The following LUZP2 variants were observed in gnomAD, a reference collection of about 807,000 sequenced individuals.
LUZP2 encodes leucine zipper protein 2.
Under a neutral mutation model 51.6 loss-of-function variants are expected in LUZP2, and 52 were observed. That is an observed-to-expected ratio of 1.01 (90% CI 0.81 to 1.27). The LOEUF (loss-of-function observed/expected upper bound fraction) is 1.27, where lower values mean the gene tolerates loss of function less well. Ranked by LOEUF, LUZP2 falls within the 50% of genes most tolerant of loss-of-function variation. The pLI, the probability that LUZP2 is intolerant of heterozygous loss-of-function variation, is 0.00. For missense variants in LUZP2, 436 were observed against 395.4 expected (o/e 1.10, Z -0.87); for synonymous variants, 154 against 137.3 (o/e 1.12, Z -0.85).
intron 9 of LUZP2, among the ~76,000 whole-genome samples, chr11:25,027,513 C>A (rs546478595): frequency 6.6e-6 from 1 of 152,042 alleles, no homozygotes; most frequent in Non-Finnish European, 1.5e-5. Context: ...AATCATCTGG[C>A]CATTGCTGAA....
In LUZP2 at chr11:25,050,086, A is replaced by G. The variant is rs370972513; in HGVS notation, c.814A>G (p.Thr272Ala). ...CAATGAGAGCTCTCAAGTTGAGTCA[A>G]CAAAGGAAGGAAATCCAAGTACCAC... ...GNNESSQVESTKEGNPSTTAC... is the reference protein window; with the variant it reads ...GNNESSQVESAKEGNPSTTAC... Residue 272 changes from threonine (T) to alanine (A), a missense_variant, in exon 10 of 12, where the codon ACA (threonine) becomes GCA (alanine). Transcript: ENST00000336930. The G allele has an allele frequency of 2.3e-5, 37 of 1,600,286 alleles. No individual in the cohort carries two copies. The highest frequency in any genetic ancestry group is 3.0e-5 in the Non-Finnish European group (35 of 1,173,002).
intron 5 of LUZP2, among the ~76,000 whole-genome samples, chr11:24,802,452 C>T (rs1251166126): frequency 6.6e-6 from 1 of 151,838 alleles, no homozygotes; most frequent in African/African-American, 2.4e-5. Context: ...ACAGATATCA[C>T]TGCCACTGTT....
At chr11:25,046,123 C>T (rs1334759932) in intron 9 of LUZP2, among the ~76,000 whole-genome samples, 1 of 151,594 alleles carries the variant, frequency 6.6e-6, no homozygotes, top group East Asian at 1.9e-4. Context: ...TTCTAATGAC[C>T]TAACTTGGAT....
At chr11:25,040,776 A>G (rs1020989956) in intron 9 of LUZP2, among the ~76,000 whole-genome samples, 1 of 152,126 alleles carries the variant, frequency 6.6e-6, no homozygotes, top group African/African-American at 2.4e-5. Context: ...TGATGATCTC[A>G]TTTTTGTCAG....
At chr11:24,621,248 T>G (rs1854483685) in intron 1 of LUZP2, among the ~76,000 whole-genome samples, 1 of 152,234 alleles carries the variant, frequency 6.6e-6, no homozygotes, top group African/African-American at 2.4e-5. Flanking sequence ...GGTTAATTCC[T>G]TGTTGTTAGA....
At chr11:24,548,880 C>T (rs1851638826) in intron 1 of LUZP2, among the ~76,000 whole-genome samples, 2 of 151,898 alleles carry the variant, frequency 1.3e-5, no homozygotes, top group South Asian at 2.1e-4. Flanking sequence ...TAGATGTTTG[C>T]TAATTGGTTA....
chr11:24,683,089 A>T (rs552844944), intron 1 of LUZP2, among the ~76,000 whole-genome samples: 1 of 152,318 alleles, frequency 6.6e-6, no homozygotes, highest in East Asian at 1.9e-4. Flanking sequence ...CAGATTAAAG[A>T]TCTTTCCAAG....
At chr11:24,633,784 G>A (rs534672256) in intron 1 of LUZP2, among the ~76,000 whole-genome samples, 104 of 151,838 alleles carry the variant, frequency 6.8e-4, no homozygotes, top group African/African-American at 2.4e-3. Context: ...GGATTATATA[G>A]CAACTGCATG....
intron 1 of LUZP2, among the ~76,000 whole-genome samples, chr11:24,676,038 C>T (rs991910871): frequency 5.3e-5 from 8 of 151,908 alleles, no homozygotes; most frequent in East Asian, 1.9e-4. Context: ...AGGCTAGTCT[C>T]GAACTCCTAA....
intron 1 of LUZP2, among the ~76,000 whole-genome samples, chr11:24,554,793 C>G (rs947347158): frequency 6.8e-6 from 1 of 147,324 alleles, no homozygotes; most frequent in Non-Finnish European, 1.5e-5. Context: ...AAAGTTATCC[C>G]TAAAGTTTAT....
intron 3 of LUZP2, among the ~76,000 whole-genome samples, chr11:24,736,710 A>G (rs999654026): frequency 6.6e-6 from 1 of 151,988 alleles, no homozygotes; most frequent in Non-Finnish European, 1.5e-5. Context: ...TTATACTACA[A>G]ACACTCTATG....
At chr11:24,529,840 T>G (rs1436344026) in intron 1 of LUZP2, among the ~76,000 whole-genome samples, 2 of 151,042 alleles carry the variant, frequency 1.3e-5, no homozygotes, top group Admixed American at 1.3e-4. Flanking sequence ...ATTTTGGAAA[T>G]TTTATCTTCA....
At chr11:24,979,557 T>A (rs1033486977) in intron 8 of LUZP2, among the ~76,000 whole-genome samples, 1 of 151,866 alleles carries the variant, frequency 6.6e-6, no homozygotes, top group Non-Finnish European at 1.5e-5. Flanking sequence ...ACACTTCAAC[T>A]TGATTCTTAT....
chr11:25,021,063 T>G (rs1490525073), intron 9 of LUZP2, among the ~76,000 whole-genome samples: 1 of 152,116 alleles, frequency 6.6e-6, no homozygotes, highest in Non-Finnish European at 1.5e-5. Context: ...ACCCCTTCTG[T>G]TCAAGCTCTT....
chr11:24,810,625 A>T (rs1190711378), intron 5 of LUZP2, among the ~76,000 whole-genome samples: 1 of 152,216 alleles, frequency 6.6e-6, no homozygotes, highest in African/African-American at 2.4e-5. Context: ...GTTAAGATAC[A>T]CAAGTAAGAT....
At chr11:24,796,491 CTGTGTGTGTG>C (rs57329413) in intron 5 of LUZP2, among the ~76,000 whole-genome samples, 9,197 of 124,596 alleles carry the variant, frequency 0.074, 395 homozygotes, top group East Asian at 0.28. Context: ...TAATAATAAT[CTGTGTGTGTG>C]TGTGTGTGTG....
At chr11:24,946,988 G>A (rs148869112) in intron 7 of LUZP2, among the ~76,000 whole-genome samples, 147 of 151,896 alleles carry the variant, frequency 9.7e-4, no homozygotes, top group African/African-American at 3.4e-3. Context: ...TACAACTACA[G>A]TTAACCCTTG....
chr11:24,800,427 G>T (rs1029227256), intron 5 of LUZP2, among the ~76,000 whole-genome samples: 3 of 151,730 alleles, frequency 2.0e-5, no homozygotes, highest in Non-Finnish European at 4.4e-5. Flanking sequence ...CAGATTAGAT[G>T]CAGGACAACA....
intron 1 of LUZP2, among the ~76,000 whole-genome samples, chr11:24,607,090 A>G (rs1213422954): frequency 6.6e-6 from 1 of 151,514 alleles, no homozygotes; most frequent in African/African-American, 2.4e-5. Flanking sequence ...ATAGGCTTCC[A>G]TTTTATTTTG....
Sources: allele counts gnomAD v4.1 joint callset (sites outside exome capture counted in the v4.1 genomes callset), GRCh38; gene constraint gnomAD v4.1.1; transcripts MANE v1.5; gene names NCBI Gene and HGNC (gene_info 2026-07-23, HGNC 2026-07-21).